The following TENM3 variants were observed in gnomAD, a reference collection of about 807,000 sequenced individuals.
TENM3 encodes teneurin transmembrane protein 3.
A neutral mutation model predicts 255.1 loss-of-function variants in TENM3; 63 were observed. The ratio of observed to expected loss-of-function variants is 0.25; its 90% confidence interval spans 0.20 to 0.30. The LOEUF (loss-of-function observed/expected upper bound fraction) is 0.30. Among genes scored for constraint, TENM3 ranks in the 10% least tolerant of loss-of-function variants. The pLI is 1.00. For synonymous variants in TENM3, 1,306 were observed against 1,322.3 expected (o/e 0.99, Z 0.27); for missense variants, 2,929 against 3,461.1 (o/e 0.85, Z 3.86).
At chr4:181,839,384 T>TACACAC in the TENM3 span, among the ~76,000 whole-genome samples, 3,512 of 83,288 alleles carry the variant, frequency 0.042, 213 homozygotes, top group East Asian at 0.074. Context: ...TATATATATA[T>TACACAC]ACACCTATAT....
chr4:182,123,775 G>C, the TENM3 span, among the ~76,000 whole-genome samples: 1 of 152,242 alleles, frequency 6.6e-6, no homozygotes, highest in South Asian at 2.1e-4. Context: ...GGTACCATTA[G>C]ACTTACTCGA....
At chr4:182,057,924 T>C in the TENM3 span, among the ~76,000 whole-genome samples, 1 of 152,038 alleles carries the variant, frequency 6.6e-6, no homozygotes, top group Non-Finnish European at 1.5e-5. Flanking sequence ...TGTTGAGGGA[T>C]AGAGCAAATC....
chr4:181,722,473 C>T, the TENM3 span, among the ~76,000 whole-genome samples: 1 of 152,174 alleles, frequency 6.6e-6, no homozygotes, highest in East Asian at 1.9e-4. Context: ...ATAGACCACT[C>T]TTTCAAGGAA....
chr4:181,505,954 A>T, the TENM3 span, among the ~76,000 whole-genome samples: 1 of 152,186 alleles, frequency 6.6e-6, no homozygotes, highest in East Asian at 1.9e-4. Context: ...TCAGTTGTCA[A>T]ATGCTTATTT....
At chr4:182,051,779 T>G in the TENM3 span, among the ~76,000 whole-genome samples, 21 of 152,320 alleles carry the variant, frequency 1.4e-4, no homozygotes, top group East Asian at 3.9e-3. Flanking sequence ...AAGGTTGCCC[T>G]GTATAACACA....
At chr4:182,250,496 G>A (rs1249575609) in intron 1 of TENM3, among the ~76,000 whole-genome samples, 1 of 151,838 alleles carries the variant, frequency 6.6e-6, no homozygotes, top group Non-Finnish European at 1.5e-5. Flanking sequence ...ACTCGTAAAG[G>A]ATAGAGTGAG....
At chr4:181,641,170 A>G in the TENM3 span, among the ~76,000 whole-genome samples, 1 of 152,064 alleles carries the variant, frequency 6.6e-6, no homozygotes. Flanking sequence ...TGGCCTGTAC[A>G]TGAAAAGAGT....
chr4:181,826,677 A>C, the TENM3 span, among the ~76,000 whole-genome samples: 1 of 152,240 alleles, frequency 6.6e-6, no homozygotes, highest in African/African-American at 2.4e-5. Context: ...TAAAGCAGCG[A>C]ATCTTAACCC....
At chr4:182,141,609 G>T (rs1749436131), upstream of TENM3, 1 of 152,200 alleles carries the variant, frequency 6.6e-6, no homozygotes, top group African/African-American at 2.4e-5. Context: ...GGCATAGAGT[G>T]CGCAGGGCCG....
intron 3 of TENM3, among the ~76,000 whole-genome samples, chr4:182,521,088 C>G (rs777867215): frequency 6.6e-6 from 1 of 152,184 alleles, no homozygotes; most frequent in Non-Finnish European, 1.5e-5. Context: ...AATGACAGCT[C>G]ATTAGCCCTT....
At chr4:181,655,891 C>T in the TENM3 span, among the ~76,000 whole-genome samples, 1 of 152,152 alleles carries the variant, frequency 6.6e-6, no homozygotes, top group Non-Finnish European at 1.5e-5. Flanking sequence ...AGTGTCCACC[C>T]TTTAATAACC....
chr4:182,691,236 A>G (rs542466270), intron 12 of TENM3, among the ~76,000 whole-genome samples: 2 of 152,344 alleles, frequency 1.3e-5, no homozygotes, highest in East Asian at 3.9e-4. Context: ...TTTCCTCCCC[A>G]TTTTAACCCC....
At chr4:182,505,228 C>A (rs889871880) in intron 3 of TENM3, among the ~76,000 whole-genome samples, 3 of 151,980 alleles carry the variant, frequency 2.0e-5, no homozygotes, top group African/African-American at 7.2e-5. Flanking sequence ...TGTCTATATA[C>A]CCTAGCATTT....
the TENM3 span, among the ~76,000 whole-genome samples, chr4:181,658,794 A>G: frequency 6.6e-6 from 1 of 152,224 alleles, no homozygotes; most frequent in Non-Finnish European, 1.5e-5. Flanking sequence ...CAAGCAAAAC[A>G]AAAAAGAAAA....
the TENM3 span, among the ~76,000 whole-genome samples, chr4:181,477,358 C>G: frequency 5.4e-3 from 818 of 152,174 alleles, 8 homozygotes; most frequent in African/African-American, 0.019. Flanking sequence ...GTTCCCTCTT[C>G]CAATTTACTT....
chr4:182,404,477 G>A (rs1018637627), intron 3 of TENM3, among the ~76,000 whole-genome samples: 2 of 152,154 alleles, frequency 1.3e-5, no homozygotes, highest in Non-Finnish European at 2.9e-5. Flanking sequence ...AGAATATCAC[G>A]ATGTAACTCT....
At chr4:181,925,105 A>G in the TENM3 span, among the ~76,000 whole-genome samples, 1 of 152,232 alleles carries the variant, frequency 6.6e-6, no homozygotes, top group African/African-American at 2.4e-5. Context: ...TCATAAAGGC[A>G]TAAGAAGAGA....
the TENM3 span, among the ~76,000 whole-genome samples, chr4:182,116,187 C>G: frequency 6.6e-6 from 1 of 151,762 alleles, no homozygotes; most frequent in East Asian, 1.9e-4. Flanking sequence ...TGTGCTCAGC[C>G]TATTCATGCC....
At chr4:181,545,427 G>A in the TENM3 span, among the ~76,000 whole-genome samples, 138 of 152,130 alleles carry the variant, frequency 9.1e-4, 1 homozygote, top group Middle Eastern at 3.4e-3. Context: ...AAGAAGTAAC[G>A]GAAAGAAAAA....
Sources: allele counts gnomAD v4.1 joint callset (sites outside exome capture counted in the v4.1 genomes callset), GRCh38; gene constraint gnomAD v4.1.1; transcripts MANE v1.5; gene names NCBI Gene and HGNC (gene_info 2026-07-23, HGNC 2026-07-21).